LSAMP: variants seen among roughly 807,000 people sequenced by gnomAD.
The protein encoded by LSAMP is limbic system associated membrane protein.
In LSAMP, 7 loss-of-function variants were observed where a neutral mutation model predicts 38.6. That is an observed-to-expected ratio of 0.18 (90% CI 0.10 to 0.34). LSAMP has a LOEUF of 0.34. Ranked by LOEUF, LSAMP falls within the 10% of genes least tolerant of loss-of-function variation. The probability of loss-of-function intolerance (pLI) is 1.00; values close to 1 mark genes in which losing one functional copy is unlikely to be tolerated. For missense variants in LSAMP, 313 were observed against 420.0 expected (o/e 0.75, Z 2.23); for synonymous variants, 154 against 166.8 (o/e 0.92, Z 0.59).
chr3:115,844,910 G>A (rs1269686744), intron 4 of LSAMP, among the ~76,000 whole-genome samples: 2 of 152,182 alleles, frequency 1.3e-5, no homozygotes, highest in South Asian at 4.2e-4. Context: ...CCAGGAGATG[G>A]AGGTTGCAGT....
intron 3 of LSAMP, among the ~76,000 whole-genome samples, chr3:115,991,981 AT>A (rs1939683194): frequency 6.6e-6 from 1 of 151,808 alleles, no homozygotes; most frequent in African/African-American, 2.4e-5. Flanking sequence ...ATGCTACTAG[AT>A]TTTTTCCCCC....
intron 1 of LSAMP, among the ~76,000 whole-genome samples, chr3:116,437,025 GTA>G (rs944882968): frequency 1.1e-4 from 15 of 141,582 alleles, no homozygotes; most frequent in East Asian, 6.1e-4. Flanking sequence ...ATATGTGTGT[GTA>G]TATATATATA....
At chr3:116,313,023 A>C (rs2047579193) in intron 1 of LSAMP, among the ~76,000 whole-genome samples, 1 of 152,170 alleles carries the variant, frequency 6.6e-6, no homozygotes, top group African/African-American at 2.4e-5. Flanking sequence ...ACAAATATAG[A>C]TCCTAAGTTC....
chr3:116,427,267 C>A (rs1419054611), intron 1 of LSAMP, among the ~76,000 whole-genome samples: 1 of 151,222 alleles, frequency 6.6e-6, no homozygotes, highest in Non-Finnish European at 1.5e-5. Flanking sequence ...ACTACAGGCG[C>A]CCACCACCGC....
intron 2 of LSAMP, among the ~76,000 whole-genome samples, chr3:116,025,337 T>C (rs1386604104): frequency 2.0e-5 from 3 of 152,142 alleles, no homozygotes; most frequent in South Asian, 2.1e-4. Flanking sequence ...GAGCTACTTA[T>C]ATTGTAAGGA....
At chr3:116,108,279 G>A (rs571981126) in intron 1 of LSAMP, among the ~76,000 whole-genome samples, 2 of 152,038 alleles carry the variant, frequency 1.3e-5, no homozygotes, top group African/African-American at 4.8e-5. Flanking sequence ...TTTAGTTAAA[G>A]TATCTCGGCC....
At chr3:115,870,386 A>G (rs1935998815) in intron 3 of LSAMP, among the ~76,000 whole-genome samples, 1 of 152,158 alleles carries the variant, frequency 6.6e-6, no homozygotes, top group African/African-American at 2.4e-5. Context: ...GTAACATTCT[A>G]TGACCTAGGC....
chr3:115,840,792 C>T lies in LSAMP; in HGVS notation c.919+1053G>A, dbSNP rs577635411. 8.6e-5 allele frequency among the ~76,000 whole-genome samples: 13 copies of T among 152,024 alleles called. No homozygotes were observed. The South Asian group carries it at 2.7e-3, about 32-fold the overall frequency. On this transcript the variant is annotated intron_variant, in intron 6 of 6. Transcript: ENST00000490035. Reference sequence around the variant, plus strand: ...ATATAGCAAGATAGAAACATTTCTTCTGGTCATAGTATTTCCAGTTTTTCC... The same window carrying T: ...ATATAGCAAGATAGAAACATTTCTTTTGGTCATAGTATTTCCAGTTTTTCC...
intron 1 of LSAMP, among the ~76,000 whole-genome samples, chr3:116,184,153 C>T (rs1206599073): frequency 6.6e-6 from 1 of 151,860 alleles, no homozygotes; most frequent in Non-Finnish European, 1.5e-5. Context: ...TTTTTATCAT[C>T]ATCATATCTT....
chr3:116,085,826 C>A (rs922327834), intron 2 of LSAMP, among the ~76,000 whole-genome samples: 2 of 152,106 alleles, frequency 1.3e-5, no homozygotes, highest in African/African-American at 4.8e-5. Context: ...ACATAGAAAC[C>A]TGAACAGCTG....
intron 1 of LSAMP, among the ~76,000 whole-genome samples, chr3:116,164,670 AATAT>A (rs1199434535): frequency 7.5e-6 from 1 of 132,934 alleles, no homozygotes; most frequent in Non-Finnish European, 1.6e-5. Context: ...ATATAATCCA[AATAT>A]ATATATATAA....
intron 3 of LSAMP, among the ~76,000 whole-genome samples, chr3:115,984,101 A>G (rs1939442461): frequency 6.6e-6 from 1 of 152,176 alleles, no homozygotes. Flanking sequence ...AAATAAAAAC[A>G]GTTCAAGAGA....
At chr3:116,166,167 CAGAA>C (rs1186591610) in intron 1 of LSAMP, among the ~76,000 whole-genome samples, 2 of 152,170 alleles carry the variant, frequency 1.3e-5, no homozygotes, top group Admixed American at 6.5e-5. Flanking sequence ...AGTAAATACT[CAGAA>C]AGAAAAACTT....
At chr3:115,939,584 C>CTCTTTCTT (rs1576237854) in intron 3 of LSAMP, among the ~76,000 whole-genome samples, 2 of 131,798 alleles carry the variant, frequency 1.5e-5, no homozygotes, top group Admixed American at 7.6e-5. Flanking sequence ...TTCTTTCTTT[C>CTCTTTCTT]TGTTAAGAGA....
intron 3 of LSAMP, among the ~76,000 whole-genome samples, chr3:115,855,005 C>G (rs1351117876): frequency 1.3e-5 from 2 of 152,098 alleles, no homozygotes; most frequent in African/African-American, 2.4e-5. Flanking sequence ...TATCCCCCAC[C>G]CATAATCTTA....
intron 3 of LSAMP, among the ~76,000 whole-genome samples, chr3:115,924,978 A>G (rs749210376): frequency 2.6e-5 from 4 of 152,244 alleles, no homozygotes; most frequent in Non-Finnish European, 5.9e-5. Flanking sequence ...CCCACAGCCA[A>G]TACCCACTCC....
chr3:116,343,921 A>G (rs980538494), intron 1 of LSAMP, among the ~76,000 whole-genome samples: 11 of 152,160 alleles, frequency 7.2e-5, no homozygotes, highest in African/African-American at 1.9e-4. Flanking sequence ...TACAAACACT[A>G]TAAGACTGTA....
At chr3:115,965,019 A>C (rs1938752295) in intron 3 of LSAMP, among the ~76,000 whole-genome samples, 1 of 152,104 alleles carries the variant, frequency 6.6e-6, no homozygotes, top group African/African-American at 2.4e-5. Context: ...AACTTGAAAA[A>C]GTGATTCTAA....
intron 1 of LSAMP, among the ~76,000 whole-genome samples, chr3:116,317,389 T>C (rs979810378): frequency 2.0e-5 from 3 of 150,092 alleles, no homozygotes; most frequent in Admixed American, 6.7e-5. Flanking sequence ...GGAGTCTCGC[T>C]CTGTCTCCCA....
Sources: allele counts gnomAD v4.1 joint callset (sites outside exome capture counted in the v4.1 genomes callset), GRCh38; gene constraint gnomAD v4.1.1; transcripts MANE v1.5; gene names NCBI Gene and HGNC (gene_info 2026-07-23, HGNC 2026-07-21).